Variants in LY86 observed in about 807,000 individuals in gnomAD.
LY86 encodes MD-1, RP105-associated.
LY86 carries 20 observed loss-of-function variants against 17.3 expected under a neutral mutation model. The observed-to-expected ratio is 1.15, with a 90% CI of 0.81 to 1.68. The LOEUF (loss-of-function observed/expected upper bound fraction) is 1.68, where lower values mean the gene tolerates loss of function less well. LY86 is among the 40% of genes most tolerant of loss of function. The pLI is 0.00. For missense variants in LY86, 200 were observed against 191.9 expected (o/e 1.04, Z -0.25); for synonymous variants, 74 against 70.6 (o/e 1.05, Z -0.24).
At chr6:6,589,065 C>T (rs958772715) in intron 1 of LY86, among the ~76,000 whole-genome samples, 195 bp downstream of exon 1, 5 of 151,966 alleles carry the variant, frequency 3.3e-5, no homozygotes, top group South Asian at 2.1e-4. Flanking sequence ...GGACTGGGAG[C>T]GGAAGAGAAT....
At chr6:6,629,304 T>C (rs555242344) in intron 3 of LY86, among the ~76,000 whole-genome samples, 1 of 152,312 alleles carries the variant, frequency 6.6e-6, no homozygotes, top group South Asian at 2.1e-4. Context: ...GAAACTAAAA[T>C]CTTAAAGTCA....
chr6:6,599,385 C>CT (rs1408678592), intron 1 of LY86, among the ~76,000 whole-genome samples: 1 of 152,238 alleles, frequency 6.6e-6, no homozygotes, highest in African/African-American at 2.4e-5. Flanking sequence ...TTAACCTACC[C>CT]TCTAGCATTC....
At chr6:6,639,663 T>C (rs550184221) in intron 3 of LY86, among the ~76,000 whole-genome samples, 1 of 152,238 alleles carries the variant, frequency 6.6e-6, no homozygotes, top group South Asian at 2.1e-4. Flanking sequence ...ACCTCCCTCT[T>C]ATAAGGACCT....
chr6:6,633,367 T>C (rs944350123), intron 3 of LY86, among the ~76,000 whole-genome samples: 1 of 152,196 alleles, frequency 6.6e-6, no homozygotes, highest in Admixed American at 6.5e-5. Context: ...ACACATGATT[T>C]TCTTTCTTTT....
At chr6:6,636,061 C>T (rs987330836) in intron 3 of LY86, among the ~76,000 whole-genome samples, 1 of 152,198 alleles carries the variant, frequency 6.6e-6, no homozygotes, top group Non-Finnish European at 1.5e-5. Flanking sequence ...AGTTGCTGGA[C>T]CTAGCCCCAG....
intron 1 of LY86, among the ~76,000 whole-genome samples, chr6:6,610,572 G>T (rs1029009812): frequency 9.9e-5 from 15 of 152,160 alleles, no homozygotes; most frequent in Non-Finnish European, 1.9e-4. Flanking sequence ...GCTAGCTGAT[G>T]CCCTGATTTA....
At chr6:6,608,710 C>T (rs1030881977) in intron 1 of LY86, among the ~76,000 whole-genome samples, 5 of 152,204 alleles carry the variant, frequency 3.3e-5, no homozygotes, top group East Asian at 1.9e-4. Context: ...AATATCCAAA[C>T]GGTTACAGCA....
chr6:6,638,872 T>C (rs1033084278), intron 3 of LY86, among the ~76,000 whole-genome samples: 25 of 138,530 alleles, frequency 1.8e-4, no homozygotes, highest in Non-Finnish European at 3.6e-4. Context: ...TGTGTTCTCA[T>C]TGTTCAATTC....
Position 6,603,615 on chromosome 6 carries a change from CA to C in LY86, c.136+14748del, listed in dbSNP as rs1221531073. On this transcript the variant is annotated intron_variant, in intron 1 of 4. Coordinates refer to ENST00000230568, the MANE Select transcript of LY86 (RefSeq NM_004271.4). ...ACAAAAACAGAAACAGAAAAAAAAA[CA>C]AACAAAAAAAAACAAAACACACACA... is the stretch of plus-strand genomic sequence containing the variant. 4.6e-4 allele frequency among the ~76,000 whole-genome samples: 52 copies of C among 114,158 alleles called. 4 individuals carry two copies. Among genetic ancestry groups the C allele is most frequent in the African/African-American group, 1.2e-3 (34 of 29,358 alleles). 74.9% of individuals were successfully genotyped at this position (114,158 alleles called of 152,430 possible). A position where few individuals can be genotyped will look rare whatever the true frequency, so the allele number is the denominator to read the frequency against.
At chr6:6,600,497 G>C (rs891820503) in intron 1 of LY86, among the ~76,000 whole-genome samples, 1 of 149,144 alleles carries the variant, frequency 6.7e-6, no homozygotes, top group African/African-American at 2.5e-5. Flanking sequence ...GGCTGAGGCA[G>C]GGGAATCGCT....
At chr6:6,622,043 A>G (rs1761692888) in intron 1 of LY86, among the ~76,000 whole-genome samples, 1 of 152,248 alleles carries the variant, frequency 6.6e-6, no homozygotes, top group Admixed American at 6.5e-5. Flanking sequence ...TCACTCTTGC[A>G]TATAAATTTG....
intron 3 of LY86, 138 bp downstream of exon 3, chr6:6,626,559 C>T (rs181547952): frequency 1.1e-6 from 1 of 877,742 alleles, no homozygotes; most frequent in African/African-American, 1.7e-5. Flanking sequence ...CACTTATCAG[C>T]ATGTGTTGCA....
intron 3 of LY86, among the ~76,000 whole-genome samples, chr6:6,641,641 T>C (rs1762041471): frequency 6.6e-6 from 1 of 152,210 alleles, no homozygotes; most frequent in African/African-American, 2.4e-5. Flanking sequence ...ATTTCTGAAC[T>C]AGGTGGTTCC....
intron 3 of LY86, among the ~76,000 whole-genome samples, chr6:6,627,217 C>T (rs1455472874): frequency 6.6e-6 from 1 of 152,224 alleles, no homozygotes; most frequent in African/African-American, 2.4e-5. Flanking sequence ...CAATACACCC[C>T]TCACCCCACA....
intron 1 of LY86, among the ~76,000 whole-genome samples, chr6:6,600,587 C>A (rs1364786434): frequency 1.2e-5 from 1 of 82,450 alleles, no homozygotes; most frequent in Non-Finnish European, 2.3e-5. Context: ...GAGACTCCAT[C>A]AAAAAAAAAA....
At chr6:6,625,073 C>T (rs1761762196) in intron 2 of LY86, 61 bp downstream of exon 2, 2 of 717,070 alleles carry the variant, frequency 2.8e-6, no homozygotes, top group Non-Finnish European at 4.7e-6. Flanking sequence ...CAACTCCACA[C>T]ACCCAATGAC....
intron 1 of LY86, among the ~76,000 whole-genome samples, chr6:6,605,908 C>A (rs72821159): frequency 0.068 from 10,345 of 152,054 alleles, 460 homozygotes; most frequent in Middle Eastern, 0.15. Flanking sequence ...TCGCTGGCTT[C>A]AGGAATGAAG....
intron 3 of LY86, among the ~76,000 whole-genome samples, chr6:6,627,059 T>C (rs551254496): frequency 8.4e-4 from 128 of 152,224 alleles, no homozygotes; most frequent in African/African-American, 2.8e-3. Flanking sequence ...TACCCACAGC[T>C]TCACCAAGGC....
intron 3 of LY86, among the ~76,000 whole-genome samples, chr6:6,638,380 G>A (rs574489480): frequency 4.6e-5 from 7 of 152,050 alleles, no homozygotes; most frequent in South Asian, 4.1e-4. Context: ...GTTTTATGTC[G>A]CATATATGGT....
Sources: gnomAD v4.1 joint callset for allele counts (sites outside exome capture counted in the v4.1 genomes callset) on GRCh38, gnomAD v4.1.1 for gene constraint, MANE v1.5 for transcripts, NCBI Gene and HGNC (gene_info 2026-07-23, HGNC 2026-07-21) for gene names.